Variants in KPNA6 observed in about 807,000 individuals in gnomAD.
The protein encoded by KPNA6 is importin subunit alpha-7.
KPNA6 carries 9 observed loss-of-function variants against 72.0 expected under a neutral mutation model. The ratio of observed to expected loss-of-function variants is 0.13; its 90% CI spans 0.08 to 0.22. The LOEUF is 0.22. KPNA6 is among the 10% of genes least tolerant of loss of function. The pLI, the probability that KPNA6 is intolerant of heterozygous loss-of-function variation, is 1.00. For missense variants in KPNA6, 374 were observed against 655.7 expected (o/e 0.57, Z 4.69); for synonymous variants, 219 against 242.1 (o/e 0.90, Z 0.89).
intron 10 of KPNA6, among the ~76,000 whole-genome samples, chr1:32,165,518 T>C (rs1642316181): frequency 6.7e-6 from 1 of 149,578 alleles, no homozygotes; most frequent in Non-Finnish European, 1.5e-5. Flanking sequence ...GAAGACCCTG[T>C]CTCTACAAAA....
chr1:32,111,572 G>T (rs1461681422), intron 1 of KPNA6, among the ~76,000 whole-genome samples: 2 of 152,202 alleles, frequency 1.3e-5, no homozygotes, highest in Non-Finnish European at 2.9e-5. Flanking sequence ...AGGTATCTTG[G>T]GTTATCTCCA....
At chr1:32,114,077 C>G (rs1641285547) in intron 1 of KPNA6, among the ~76,000 whole-genome samples, 1 of 152,074 alleles carries the variant, frequency 6.6e-6, no homozygotes, top group Non-Finnish European at 1.5e-5. Context: ...AAGTTGAAAT[C>G]ACTCCTTAAT....
chr1:32,108,232 C>T (rs1233705655), intron 1 of KPNA6, 98 bp downstream of exon 1: 13 of 1,544,274 alleles, frequency 8.4e-6, no homozygotes, highest in African/African-American at 1.4e-5. Context: ...AAGATGTCTG[C>T]ATCCCCTCTA....
At chr1:32,160,031 G>A (rs1642208982) in intron 6 of KPNA6, among the ~76,000 whole-genome samples, 1 of 152,194 alleles carries the variant, frequency 6.6e-6, no homozygotes, top group Admixed American at 6.5e-5. Flanking sequence ...AGGCGCGGTG[G>A]CTCACGCCTA....
intron 12 of KPNA6, among the ~76,000 whole-genome samples, chr1:32,167,703 A>G (rs1642364294): frequency 6.6e-6 from 1 of 152,092 alleles, no homozygotes; most frequent in African/African-American, 2.4e-5. Context: ...CTCTGTCTCT[A>G]CGAAAGACAA....
At chr1:32,148,522 G>A (rs1234955407) in intron 1 of KPNA6, among the ~76,000 whole-genome samples, 2 of 147,592 alleles carry the variant, frequency 1.4e-5, no homozygotes, top group Non-Finnish European at 3.0e-5. Flanking sequence ...TTTATCTTCT[G>A]CTCTTAGGAC....
intron 1 of KPNA6, among the ~76,000 whole-genome samples, chr1:32,139,713 A>G (rs567225281): frequency 6.6e-6 from 1 of 152,332 alleles, no homozygotes; most frequent in South Asian, 2.1e-4. Flanking sequence ...CAGATGTTGG[A>G]TAATGATATT....
intron 1 of KPNA6, among the ~76,000 whole-genome samples, chr1:32,117,544 C>T (rs1641350479): frequency 6.6e-6 from 1 of 151,642 alleles, no homozygotes. Context: ...AATCCCAGCA[C>T]TTTGGGAGGC....
chr1:32,161,921 G>A (rs1642244838), intron 7 of KPNA6, 26 bp from the exon 8 acceptor site: 1 of 1,586,564 alleles, frequency 6.3e-7, no homozygotes, highest in African/African-American at 1.3e-5. Context: ...TCAGTGCTCA[G>A]GATCTGGCTT....
intron 9 of KPNA6, 76 bp from the exon 10 acceptor site, chr1:32,163,159 C>A: frequency 2.1e-6 from 2 of 931,926 alleles, no homozygotes; most frequent in Non-Finnish European, 3.5e-6. Flanking sequence ...CTTCTCCAGG[C>A]TCAGACTAAA....
intron 1 of KPNA6, among the ~76,000 whole-genome samples, chr1:32,110,723 C>T (rs1037429434): frequency 1.3e-5 from 2 of 152,024 alleles, no homozygotes; most frequent in African/African-American, 4.8e-5. Flanking sequence ...AAGGTGAAAC[C>T]CTGTCTCTAC....
intron 1 of KPNA6, among the ~76,000 whole-genome samples, chr1:32,113,390 C>A (rs927034163): frequency 2.0e-5 from 3 of 151,864 alleles, no homozygotes; most frequent in African/African-American, 7.3e-5. Flanking sequence ...GATCTTGTCT[C>A]AAAAAAACCC....
intron 1 of KPNA6, among the ~76,000 whole-genome samples, chr1:32,148,662 A>G (rs564549269): frequency 4.1e-4 from 61 of 150,298 alleles, no homozygotes; most frequent in African/African-American, 1.4e-3. Context: ...GGTTCAAGCA[A>G]TTCTCCTGCC....
At chr1:32,157,649 G>A (rs1369061131) in intron 4 of KPNA6, among the ~76,000 whole-genome samples, 1 of 152,026 alleles carries the variant, frequency 6.6e-6, no homozygotes, top group Non-Finnish European at 1.5e-5. Context: ...TATCTTTGTA[G>A]CAACTCCCTT....
chr1:32,119,965 T>C (rs2124525230), intron 1 of KPNA6, among the ~76,000 whole-genome samples: 1 of 152,038 alleles, frequency 6.6e-6, no homozygotes, highest in African/African-American at 2.4e-5. Context: ...CTCAAACTTC[T>C]GACCTCGTGA....
intron 8 of KPNA6, 147 bp downstream of exon 8, chr1:32,162,193 T>C (rs891876528): frequency 2.2e-6 from 2 of 912,214 alleles, no homozygotes; most frequent in African/African-American, 3.3e-5. Context: ...TGTACCTGGA[T>C]AGTAAAGTGA....
intron 1 of KPNA6, among the ~76,000 whole-genome samples, chr1:32,114,851 A>C (rs12117354): frequency 6.6e-6 from 1 of 152,020 alleles, no homozygotes; most frequent in African/African-American, 2.4e-5. Flanking sequence ...TTCACCTTGC[A>C]CTTTTTTGAG....
chr1:32,155,135 AAAAGT>A (rs1642114497), intron 2 of KPNA6, among the ~76,000 whole-genome samples: 5 of 131,356 alleles, frequency 3.8e-5, no homozygotes, highest in Non-Finnish European at 8.4e-5. Flanking sequence ...AAAAAAAAAG[AAAAGT>A]AGCTTACTTA....
At chr1:32,120,549 A>G (rs969224944) in intron 1 of KPNA6, among the ~76,000 whole-genome samples, 2 of 150,468 alleles carry the variant, frequency 1.3e-5, no homozygotes, top group African/African-American at 4.9e-5. Flanking sequence ...CACCCAGCCA[A>G]TTAATTTTTT....
Sources: allele counts gnomAD v4.1 joint callset (sites outside exome capture counted in the v4.1 genomes callset), GRCh38; gene constraint gnomAD v4.1.1; transcripts MANE v1.5; gene names NCBI Gene and HGNC (gene_info 2026-07-23, HGNC 2026-07-21).